The following ZFAND3 variants were observed in gnomAD, a reference collection of about 807,000 sequenced individuals.
ZFAND3 encodes AN1-type zinc finger protein 3.
In ZFAND3, 10 loss-of-function variants were observed where a neutral mutation model predicts 29.6. That is an observed-to-expected ratio of 0.34 (90% CI 0.21 to 0.57). The LOEUF (loss-of-function observed/expected upper bound fraction) is 0.57. Among genes scored for constraint, ZFAND3 ranks in the 20% least tolerant of loss-of-function variants. ZFAND3 has a pLI of 0.86. For missense variants in ZFAND3, 230 were observed against 304.5 expected, an observed-to-expected ratio of 0.76 and a Z score of 1.82; for synonymous variants, 128 against 112.6, an observed-to-expected ratio of 1.14 and a Z score of -0.87.
intron 4 of ZFAND3, chr6:38,088,480 A>G (rs558006590): frequency 6.6e-6 from 1 of 152,370 alleles, no homozygotes; most frequent in South Asian, 2.1e-4. Context: ...ATGTGATAGC[A>G]CAACAGTGTG....
chr6:38,088,753 G>A (rs1288856260), intron 4 of ZFAND3, among the ~76,000 whole-genome samples: 1 of 152,116 alleles, frequency 6.6e-6, no homozygotes, highest in African/African-American at 2.4e-5. Context: ...ACTTGAAAAA[G>A]GATGGTTAAA....
At chr6:37,858,300 CTT>C (rs1477509905) in intron 1 of ZFAND3, among the ~76,000 whole-genome samples, 1 of 152,146 alleles carries the variant, frequency 6.6e-6, no homozygotes, top group African/African-American at 2.4e-5. Context: ...TCTTGGGACA[CTT>C]TTCCTGGGGA....
At chr6:38,091,394 G>T (rs1185548354) in intron 4 of ZFAND3, among the ~76,000 whole-genome samples, 3 of 151,404 alleles carry the variant, frequency 2.0e-5, no homozygotes, top group Non-Finnish European at 4.4e-5. Flanking sequence ...TTGCTCCACT[G>T]GGGCAAAATG....
intron 2 of ZFAND3, among the ~76,000 whole-genome samples, chr6:38,054,816 T>G (rs947144649): frequency 1.3e-5 from 2 of 152,256 alleles, no homozygotes; most frequent in African/African-American, 2.4e-5. Context: ...TTATTCTTGC[T>G]GAGGCTGTTA....
chr6:37,976,772 T>C (rs1762486302), intron 2 of ZFAND3, among the ~76,000 whole-genome samples: 1 of 152,046 alleles, frequency 6.6e-6, no homozygotes, highest in Non-Finnish European at 1.5e-5. Context: ...GGCCACACTT[T>C]AACACCATGA....
intron 1 of ZFAND3, among the ~76,000 whole-genome samples, chr6:37,923,532 A>T (rs552225530): frequency 6.6e-6 from 1 of 152,350 alleles, no homozygotes; most frequent in South Asian, 2.1e-4. Flanking sequence ...TTTAGTAAGT[A>T]GAAGAATTAC....
intron 1 of ZFAND3, among the ~76,000 whole-genome samples, chr6:37,823,606 G>A (rs1763705446): frequency 6.6e-6 from 1 of 152,164 alleles, no homozygotes; most frequent in African/African-American, 2.4e-5. Flanking sequence ...AAATGCGTTA[G>A]TGCTTGTAAC....
chr6:37,952,099 GT>G (rs1384805033), intron 2 of ZFAND3, among the ~76,000 whole-genome samples: 5 of 152,156 alleles, frequency 3.3e-5, no homozygotes, highest in Non-Finnish European at 7.3e-5. Flanking sequence ...GCTGGATTTG[GT>G]TTGCTAGTAT....
At chr6:37,977,772 T>G (rs1762506003) in intron 2 of ZFAND3, among the ~76,000 whole-genome samples, 1 of 143,922 alleles carries the variant, frequency 6.9e-6, no homozygotes, top group South Asian at 2.2e-4. Flanking sequence ...TTTGCTGAGT[T>G]TTTTGTTTTT....
rs1305446825 is a variant in ZFAND3, at chr6:37,819,848, G to A, written c.-98G>A. The A allele has an allele frequency of 8.2e-5, 31 of 376,024 alleles. No homozygotes were observed. Among genetic ancestry groups the A allele is most frequent in the Non-Finnish European group, 3.6e-5 (9 of 248,506 alleles). 23.3% of individuals were successfully genotyped at this position (376,024 alleles called of 1,614,324 possible). ...CGCTCCTTCCCCCTCCCCCCGCCCC[G>A]AGCCCCCCGACGCCGCCGCCACCGC... On this transcript the variant is annotated 5_prime_UTR_variant, in exon 1 of 6. Transcript: ENST00000287218.
At chr6:37,835,735 G>A (rs1763955712) in intron 1 of ZFAND3, among the ~76,000 whole-genome samples, 1 of 151,212 alleles carries the variant, frequency 6.6e-6, no homozygotes, top group South Asian at 2.1e-4. Flanking sequence ...TGCATGTACT[G>A]CATTTGTTCT....
intron 2 of ZFAND3, among the ~76,000 whole-genome samples, chr6:38,056,305 A>G (rs2127461880): frequency 6.6e-6 from 1 of 152,354 alleles, no homozygotes; most frequent in Non-Finnish European, 1.5e-5. Flanking sequence ...CTAAGAGGAA[A>G]AAAATAGGTT....
intron 2 of ZFAND3, among the ~76,000 whole-genome samples, chr6:38,045,416 A>G (rs992441296): frequency 3.3e-5 from 5 of 152,134 alleles, no homozygotes; most frequent in Admixed American, 2.0e-4. Flanking sequence ...CTAATACATT[A>G]GTTGATATTT....
chr6:37,835,471 T>G (rs796856836), intron 1 of ZFAND3, among the ~76,000 whole-genome samples: 19 of 152,008 alleles, frequency 1.2e-4, no homozygotes, highest in African/African-American at 4.1e-4. Flanking sequence ...AGAGTTTTTT[T>G]TTTTTTTTTT....
Position 38,075,565 on chromosome 6 carries a change from C to A in ZFAND3, c.296-6827C>A, listed in dbSNP as rs1425433304. ...ATGGAATCTACTCCTGGTGAAGATACTGTGAACATTATTGAAATGGCAACA... is the reference window on the plus strand; with the variant it reads ...ATGGAATCTACTCCTGGTGAAGATAATGTGAACATTATTGAAATGGCAACA... On this transcript the variant is annotated intron_variant, in intron 3 of 5. Coordinates refer to ENST00000287218, the MANE Select transcript of ZFAND3 (RefSeq NM_021943.3). 5.9e-5 allele frequency among the ~76,000 whole-genome samples: 9 copies of A among 152,292 alleles called. No homozygotes were observed. The East Asian group carries it at 1.7e-3, about 29-fold the overall frequency.
At chr6:37,898,193 T>C (rs1041511960) in intron 1 of ZFAND3, among the ~76,000 whole-genome samples, 2 of 152,246 alleles carry the variant, frequency 1.3e-5, no homozygotes, top group Non-Finnish European at 2.9e-5. Flanking sequence ...ACTGTACACA[T>C]TTACATGTGA....
intron 2 of ZFAND3, among the ~76,000 whole-genome samples, chr6:37,959,293 T>G (rs957394063): frequency 6.6e-6 from 1 of 152,260 alleles, no homozygotes; most frequent in Non-Finnish European, 1.5e-5. Context: ...TCAGTGCAGT[T>G]TCTCTCCACG....
At chr6:38,004,369 C>CAA (rs2127440961) in intron 2 of ZFAND3, among the ~76,000 whole-genome samples, 1 of 152,172 alleles carries the variant, frequency 6.6e-6, no homozygotes, top group East Asian at 1.9e-4. Context: ...GTCAGTGTTC[C>CAA]TCCTCTGCAG....
intron 2 of ZFAND3, among the ~76,000 whole-genome samples, chr6:37,933,405 T>C (rs1038239003): frequency 2.6e-5 from 4 of 152,172 alleles, no homozygotes; most frequent in Non-Finnish European, 4.4e-5. Flanking sequence ...GGAGAACTGT[T>C]TTGCTGCTGG....
Sources: allele counts gnomAD v4.1 joint callset (sites outside exome capture counted in the v4.1 genomes callset), GRCh38; gene constraint gnomAD v4.1.1; transcripts MANE v1.5; gene names NCBI Gene and HGNC (gene_info 2026-07-23, HGNC 2026-07-21).